The following GSG1L variants were observed in gnomAD, a reference collection of about 807,000 sequenced individuals.
The protein encoded by GSG1L is GSG1 like.
Under a neutral mutation model 42.1 loss-of-function variants are expected in GSG1L, and 24 were observed. The observed-to-expected ratio is 0.57, with a 90% CI of 0.41 to 0.80. The LOEUF is 0.80. Ranked by LOEUF, GSG1L falls within the 30% of genes least tolerant of loss-of-function variation. GSG1L has a pLI of 0.00. For missense variants in GSG1L, 445 were observed against 472.2 expected, an observed-to-expected ratio of 0.94 and a Z score of 0.53; for synonymous variants, 215 against 203.5, an observed-to-expected ratio of 1.06 and a Z score of -0.48.
At chr16:28,000,674 TCTAAG>T (rs1298225736) in intron 1 of GSG1L, among the ~76,000 whole-genome samples, 3 of 152,158 alleles carry the variant, frequency 2.0e-5, no homozygotes, top group Non-Finnish European at 2.9e-5. Flanking sequence ...CAAGCAGCTC[TCTAAG>T]CTTCCCACAG....
intron 3 of GSG1L, among the ~76,000 whole-genome samples, chr16:27,878,874 C>T (rs1272606739): frequency 1.3e-5 from 2 of 152,184 alleles, no homozygotes; most frequent in Non-Finnish European, 2.9e-5. Flanking sequence ...AGTGGGGATT[C>T]ACAGCCAAGG....
intron 2 of GSG1L, among the ~76,000 whole-genome samples, chr16:27,918,616 G>A (rs2084486629): frequency 6.6e-6 from 1 of 150,744 alleles, no homozygotes; most frequent in Non-Finnish European, 1.5e-5. Flanking sequence ...CCAAGATCAT[G>A]CCATTGCACT....
intron 1 of GSG1L, among the ~76,000 whole-genome samples, chr16:28,039,543 ACACT>A (rs2086080733): frequency 6.6e-6 from 1 of 152,274 alleles, no homozygotes; most frequent in East Asian, 1.9e-4. Flanking sequence ...ATTCACACAC[ACACT>A]CACAGGCATG....
chr16:27,870,424 T>C (rs1321261902), intron 3 of GSG1L, among the ~76,000 whole-genome samples: 1 of 151,174 alleles, frequency 6.6e-6, no homozygotes, highest in African/African-American at 2.5e-5. Context: ...CTTCTCTCTC[T>C]GTCTGTCTCC....
intron 4 of GSG1L, among the ~76,000 whole-genome samples, chr16:27,839,361 C>T (rs1399803121): frequency 6.6e-6 from 1 of 152,254 alleles, no homozygotes; most frequent in Non-Finnish European, 1.5e-5. Context: ...TCCCACTACC[C>T]TCAGTCTGCA....
chr16:27,959,278 C>T (rs1207835905), intron 2 of GSG1L, among the ~76,000 whole-genome samples: 2 of 147,384 alleles, frequency 1.4e-5, no homozygotes, highest in East Asian at 2.1e-4. Flanking sequence ...GGCAACATGA[C>T]GAAACCCCAT....
At chr16:27,934,205 G>A (rs892046265) in intron 2 of GSG1L, among the ~76,000 whole-genome samples, 11 of 152,336 alleles carry the variant, frequency 7.2e-5, no homozygotes, top group Middle Eastern at 3.4e-3. Context: ...TAAATGTACA[G>A]GGCAGGAAAG....
At chr16:27,840,245 C>A (rs553109413) in intron 4 of GSG1L, among the ~76,000 whole-genome samples, 1 of 152,022 alleles carries the variant, frequency 6.6e-6, no homozygotes, top group Admixed American at 6.5e-5. Context: ...CTATGTTGCC[C>A]AGGCTGGTCT....
chr16:28,008,326 C>T (rs887500170), intron 1 of GSG1L, among the ~76,000 whole-genome samples: 5 of 152,180 alleles, frequency 3.3e-5, no homozygotes, highest in Non-Finnish European at 5.9e-5. Flanking sequence ...GTGATCCACC[C>T]GCCTCGGCCT....
chr16:28,022,976 C>G (rs975453862), intron 1 of GSG1L, among the ~76,000 whole-genome samples: 11 of 152,082 alleles, frequency 7.2e-5, no homozygotes, highest in Non-Finnish European at 1.6e-4. Context: ...AGCCAACAAC[C>G]AGTTAATTTT....
At position 27,947,014 on chromosome 16, in the gene GSG1L, C is replaced by A. The variant is rs374017960; in HGVS notation, c.397+16142G>T. On this transcript the variant is annotated intron_variant, in intron 2 of 6. Transcript: ENST00000447459. ...GAAGTCACTAAAAGGATCAACAGCA[C>A]GCCTGAGGCCCCACCACTAGAGAGC... Among the ~76,000 whole-genome samples, 5 of 152,162 alleles carry A rather than the reference C, an allele frequency of 3.3e-5. No homozygotes were observed. In the South Asian group the frequency reaches 6.2e-4, roughly 19 times the overall value.
intron 1 of GSG1L, among the ~76,000 whole-genome samples, chr16:27,984,843 G>A (rs562732735): frequency 1.3e-5 from 2 of 151,676 alleles, no homozygotes; most frequent in South Asian, 2.1e-4. Flanking sequence ...CTGCAGCCTC[G>A]ACCTCCCAGG....
chr16:27,883,134 AAAAAAGAG>A (rs751406443), intron 3 of GSG1L, among the ~76,000 whole-genome samples: 11,094 of 46,612 alleles, frequency 0.24, 571 homozygotes, highest in Admixed American at 0.37. Context: ...AAAAAAAAAA[AAAAAAGAG>A]AGAGAGAGAA....
intron 1 of GSG1L, among the ~76,000 whole-genome samples, chr16:28,011,001 G>A (rs997408825): frequency 6.6e-6 from 1 of 152,140 alleles, no homozygotes; most frequent in Non-Finnish European, 1.5e-5. Flanking sequence ...ATGGGTCGTC[G>A]GGGCTCTGCC....
At chr16:27,876,311 AG>A (rs1468684136) in intron 3 of GSG1L, among the ~76,000 whole-genome samples, 1 of 152,186 alleles carries the variant, frequency 6.6e-6, no homozygotes, top group Non-Finnish European at 1.5e-5. Flanking sequence ...GGCCATTTAC[AG>A]GAAGAAGCAC....
chr16:27,903,284 C>T (rs35170841), intron 2 of GSG1L, among the ~76,000 whole-genome samples: 9,241 of 152,072 alleles, frequency 0.061, 330 homozygotes, highest in Non-Finnish European at 0.084. Flanking sequence ...GCAACGTGGT[C>T]GGACCTGGGT....
intron 1 of GSG1L, among the ~76,000 whole-genome samples, chr16:28,033,850 CAAAAGAGTATATTAAGAAGAG>C (rs2085995484): frequency 6.6e-6 from 1 of 152,142 alleles, no homozygotes; most frequent in Non-Finnish European, 1.5e-5. Flanking sequence ...AAACAGACTA[CAAAAGAGTATATTAAGAAGAG>C]AAAATCGCAC....
chr16:27,927,142 T>C (rs567926738), intron 2 of GSG1L, among the ~76,000 whole-genome samples: 1 of 152,082 alleles, frequency 6.6e-6, no homozygotes, highest in African/African-American at 2.4e-5. Context: ...CTTTTGTTTT[T>C]CTTTTCTTTT....
rs188815984 is a variant in GSG1L at position 28,039,698 on chromosome 16, A to C, written c.349+23378T>G. ...GTATGCACACATGCACGCGCACTAC[A>C]CATGCCTGTGCACACACATGCACAT... On this transcript the variant is annotated intron_variant, in intron 1 of 6. Coordinates refer to ENST00000447459, the MANE Select transcript of GSG1L (RefSeq NM_001109763.2). 1.9e-3 allele frequency among the ~76,000 whole-genome samples: 285 copies of C among 151,414 alleles called. 1 individual carries two copies. Among genetic ancestry groups the C allele is most frequent in the African/African-American group, 6.5e-3 (270 of 41,234 alleles).
Sources: allele counts gnomAD v4.1 joint callset (sites outside exome capture counted in the v4.1 genomes callset), GRCh38; gene constraint gnomAD v4.1.1; transcripts MANE v1.5; gene names NCBI Gene and HGNC (gene_info 2026-07-23, HGNC 2026-07-21).